The following NCALD variants were observed in gnomAD, a reference collection of about 807,000 sequenced individuals.
The protein encoded by NCALD is neurocalcin-delta.
A neutral mutation model predicts 18.6 loss-of-function variants in NCALD; 10 were observed. That is an observed-to-expected ratio of 0.54 (90% confidence interval 0.33 to 0.91). The LOEUF (loss-of-function observed/expected upper bound fraction) is 0.91, where lower values mean the gene tolerates loss of function less well. Among genes scored for constraint, NCALD ranks in the 40% least tolerant of loss-of-function variants. The pLI is 0.03. For missense variants in NCALD, 184 were observed against 247.6 expected (o/e 0.74, Z 1.72); for synonymous variants, 88 against 87.4 (o/e 1.01, Z -0.04).
At chr8:101,938,433 C>G (rs1393581401) in intron 2 of NCALD, among the ~76,000 whole-genome samples, 3 of 152,148 alleles carry the variant, frequency 2.0e-5, no homozygotes, top group Non-Finnish European at 2.9e-5. Flanking sequence ...AGATGTGAAT[C>G]CAGACAGTCT....
chr8:101,757,441 A>G (rs75394634), intron 1 of NCALD, among the ~76,000 whole-genome samples: 148 of 152,306 alleles, frequency 9.7e-4, no homozygotes, highest in African/African-American at 3.5e-3. Context: ...CTGCAGAGAC[A>G]ACTACTCATA....
intron 2 of NCALD, among the ~76,000 whole-genome samples, chr8:101,997,585 T>C (rs1238576948): frequency 6.6e-6 from 1 of 152,214 alleles, no homozygotes; most frequent in African/African-American, 2.4e-5. Flanking sequence ...ACAAATTTCT[T>C]TTCCCAAGAA....
intron 4 of NCALD, among the ~76,000 whole-genome samples, chr8:101,858,646 G>T (rs1427299021): frequency 6.6e-6 from 1 of 152,058 alleles, no homozygotes; most frequent in Non-Finnish European, 1.5e-5. Flanking sequence ...GCAAAATACT[G>T]GAGGATTTCT....
intron 2 of NCALD, among the ~76,000 whole-genome samples, chr8:101,714,096 C>T (rs1815945753): frequency 6.6e-6 from 1 of 152,204 alleles, no homozygotes; most frequent in South Asian, 2.1e-4. Context: ...CAAGGATGCC[C>T]TCTCTCACCA....
chr8:102,060,149 T>G (rs1205222252), intron 1 of NCALD, among the ~76,000 whole-genome samples: 1 of 152,020 alleles, frequency 6.6e-6, no homozygotes, highest in African/African-American at 2.4e-5. Context: ...CCTGGCTAAT[T>G]TTTTTGTATT....
At chr8:101,731,533 T>A (rs992535115) in intron 1 of NCALD, among the ~76,000 whole-genome samples, 13 of 152,154 alleles carry the variant, frequency 8.5e-5, no homozygotes, top group Admixed American at 2.0e-4. Context: ...CCGCCCCCCA[T>A]GGTCTGCCTG....
intron 4 of NCALD, among the ~76,000 whole-genome samples, chr8:101,812,046 T>G (rs1813324166): frequency 6.6e-6 from 1 of 152,186 alleles, no homozygotes; most frequent in Admixed American, 6.5e-5. Context: ...TTTACACAGC[T>G]ATCCTGGGAA....
In NCALD at chr8:101,688,747, A is replaced by T. The variant is rs1039037583; in HGVS notation, c.*562T>A. 1.9e-6 allele frequency: 1 copy of T among 535,184 alleles called. No individual in the cohort carries two copies. Among genetic ancestry groups the T allele is most frequent in the Non-Finnish European group, 3.6e-6 (1 of 279,266 alleles). 33.2% of individuals were successfully genotyped at this position (535,184 alleles called of 1,614,324 possible). On this transcript the variant is annotated 3_prime_UTR_variant, in exon 4 of 4. Coordinates refer to ENST00000220931, the MANE Select transcript of NCALD (RefSeq NM_032041.3). ...TCTGTTAATTTATCTTGAAATGTTC[A>T]CAGCTTAGAAACTACAGCCTGCTGG...
chr8:101,843,579 A>ATTTTTTTTTTTT (rs1554644288), intron 4 of NCALD, among the ~76,000 whole-genome samples: 2 of 101,212 alleles, frequency 2.0e-5, no homozygotes, highest in African/African-American at 5.4e-5. Flanking sequence ...ATCTTTAAAA[A>ATTTTTTTTTTTT]TTGTTTTTTT....
At chr8:101,836,566 G>A (rs907834176) in intron 4 of NCALD, among the ~76,000 whole-genome samples, 1 of 152,162 alleles carries the variant, frequency 6.6e-6, no homozygotes, top group African/African-American at 2.4e-5. Context: ...CTCCACTTTT[G>A]TCTGTTTGAC....
chr8:101,987,891 A>T (rs1326252852), intron 2 of NCALD, among the ~76,000 whole-genome samples: 2 of 152,212 alleles, frequency 1.3e-5, no homozygotes, highest in African/African-American at 4.8e-5. Flanking sequence ...GCGGTGGCTC[A>T]TGCCTGTAAT....
At chr8:102,115,131 C>T (rs1240103300) in intron 1 of NCALD, among the ~76,000 whole-genome samples, 1 of 152,240 alleles carries the variant, frequency 6.6e-6, no homozygotes, top group Non-Finnish European at 1.5e-5. Context: ...GTGAGCCCCA[C>T]AAACTGTGTA....
intron 1 of NCALD, among the ~76,000 whole-genome samples, chr8:101,757,741 T>C (rs1160344883): frequency 6.6e-6 from 1 of 152,194 alleles, no homozygotes; most frequent in African/African-American, 2.4e-5. Flanking sequence ...TTAATTAACC[T>C]TGCCTCCACT....
chr8:101,850,469 G>A (rs1184718550), intron 4 of NCALD, among the ~76,000 whole-genome samples: 4 of 152,330 alleles, frequency 2.6e-5, no homozygotes, highest in Admixed American at 2.0e-4. Context: ...AGAAGAACTT[G>A]TGTTAGGTTA....
intron 4 of NCALD, among the ~76,000 whole-genome samples, chr8:101,877,630 T>A (rs754371959): frequency 1.3e-4 from 20 of 152,214 alleles, no homozygotes; most frequent in Non-Finnish European, 1.3e-4. Flanking sequence ...GCATAAAAGA[T>A]ACTATGTATG....
chr8:102,025,495 A>G (rs1822422569), intron 1 of NCALD, among the ~76,000 whole-genome samples: 1 of 152,146 alleles, frequency 6.6e-6, no homozygotes, highest in Non-Finnish European at 1.5e-5. Context: ...GTACTCAATA[A>G]AAGTTTAAAA....
At chr8:101,861,519 A>G (rs1017863406) in intron 4 of NCALD, among the ~76,000 whole-genome samples, 1 of 152,074 alleles carries the variant, frequency 6.6e-6, no homozygotes, top group Admixed American at 6.5e-5. Flanking sequence ...AAACCAAAAT[A>G]AATATTTTAA....
At chr8:101,967,721 A>G (rs1820082178) in intron 2 of NCALD, among the ~76,000 whole-genome samples, 1 of 152,140 alleles carries the variant, frequency 6.6e-6, no homozygotes, top group Non-Finnish European at 1.5e-5. Context: ...CACTGCCACC[A>G]GCAAGGCAGC....
intron 4 of NCALD, among the ~76,000 whole-genome samples, chr8:101,804,704 TAA>T (rs1813033494): frequency 1.4e-5 from 2 of 145,052 alleles, no homozygotes; most frequent in East Asian, 1.9e-4. Context: ...TAATTATATA[TAA>T]ATAATTATAA....
Sources: allele counts gnomAD v4.1 joint callset (sites outside exome capture counted in the v4.1 genomes callset), GRCh38; gene constraint gnomAD v4.1.1; transcripts MANE v1.5; gene names NCBI Gene and HGNC (gene_info 2026-07-23, HGNC 2026-07-21).